The following UPF3B variants were observed in gnomAD, a reference collection of about 807,000 sequenced individuals.
UPF3B encodes UPF3B regulator of nonsense mediated mRNA decay, also known as regulator of nonsense transcripts 3B.
Under a neutral mutation model 40.3 loss-of-function variants are expected in UPF3B, and 7 were observed. That is an observed-to-expected ratio of 0.17 (90% CI 0.10 to 0.33). The LOEUF is 0.33. Ranked by LOEUF, UPF3B falls within the 10% of genes least tolerant of loss-of-function variation. The pLI is 1.00. For missense variants in UPF3B, 229 were observed against 358.9 expected, an observed-to-expected ratio of 0.64 and a Z score of 2.93; for synonymous variants, 117 against 117.3, an observed-to-expected ratio of 1.00 and a Z score of 0.01.
rs2056215366 is a variant in UPF3B at position 119,845,389 on chromosome X, T to C, written c.371-93A>G. The C allele has an allele frequency of 7.0e-6, 5 of 718,600 alleles. No individual in the cohort carries two copies. In the South Asian group the frequency reaches 1.1e-4, roughly 16 times the overall value. 59.2% of individuals were successfully genotyped at this position (718,600 alleles called of 1,213,427 possible). Reference sequence around the variant, plus strand: ...AACCCATTGCTTTCTATGACTCTTTTGATGGCAGTCATCTGAAGAGGGTCT... The same window carrying C: ...AACCCATTGCTTTCTATGACTCTTTCGATGGCAGTCATCTGAAGAGGGTCT... On this transcript the variant is annotated intron_variant, in intron 3 of 10. Coordinates refer to ENST00000276201, the MANE Select transcript of UPF3B (RefSeq NM_080632.3).
At chrX:119,823,000 C>T (rs1787061440) in exon 4 of UPF3B, 9 of 881,204 alleles carry the variant, frequency 1.0e-5, no homozygotes, top group Middle Eastern at 5.7e-4. Context: ...GAGTCGACCT[C>T]GGCCTCGAGC....
chrX:119,838,343 A>G, intron 9 of UPF3B, 24 bp downstream of exon 9: 2 of 1,208,993 alleles, frequency 1.7e-6, no homozygotes, highest in African/African-American at 1.7e-5. Context: ...AATCAAACAT[A>G]ACAAAGAGTC....
chrX:119,807,409 T>G lies in UPF3B; in HGVS notation c.*11+66A>C, dbSNP rs991632414. On this transcript the variant is annotated intron_variant, in intron 6 of 6. Transcript: ENST00000636792. ...GCTCTTTGGCTGCCTAGACAGTCAG[T>G]ACACCTAAGGCCATCTGGACTTAAC... 6.8e-6 allele frequency: 6 copies of G among 883,078 alleles called. No individual in the cohort carries two copies. In the African/African-American group the frequency reaches 1.2e-4, roughly 18 times the overall value. 72.8% of individuals were successfully genotyped at this position (883,078 alleles called of 1,213,427 possible).
At chrX:119,822,911 C>T in intron 4 of UPF3B, 1 of 883,875 alleles carries the variant, frequency 1.1e-6, no homozygotes, top group Non-Finnish European at 1.4e-6. Context: ...CCCGGCCTCT[C>T]CTCTTCTTTT....
In UPF3B at chrX:119,840,571, CA is replaced by C. The variant is rs1283674041; in HGVS notation, c.846+74del. On this transcript the variant is annotated intron_variant, in intron 8 of 10. Coordinates refer to ENST00000276201, the MANE Select transcript of UPF3B (RefSeq NM_080632.3). Reference sequence around the variant, plus strand: ...CAAGTAACACTACCACCACCACCACCAAAAGGACTTATTAGCTAAGACCTGT... The same window carrying C: ...CAAGTAACACTACCACCACCACCACCAAAGGACTTATTAGCTAAGACCTGT... The C allele has an allele frequency of 5.0e-6, 5 of 1,005,166 alleles. No homozygotes were observed. In the East Asian group the frequency reaches 1.6e-4, roughly 31 times the overall value. The allele number at this position is 1,005,166 out of a possible 1,213,427, so 82.8% of individuals were successfully genotyped here. A position where few individuals can be genotyped will look rare whatever the true frequency, so the allele number is the denominator to read the frequency against.
Position 119,851,764 on chromosome X carries a change from T to TTTTTTTTTTTTTTTAC in UPF3B, c.263+2_263+3insGTAAAAAAAAAAAAAA. Reference sequence around the variant, plus strand: ...ACCCCTTTCCTTTTTTTTTTTTTTTTACCTCGTATCATTAGAAAAAAACTC... The same window carrying TTTTTTTTTTTTTTTAC: ...ACCCCTTTCCTTTTTTTTTTTTTTTTTTTTTTTTTTTTTTACACCTCGTATCATTAGAAAAAAACTC... On this transcript the variant is annotated splice_region_variant and intron_variant, in intron 2 of 10. Coordinates refer to ENST00000276201, the MANE Select transcript of UPF3B (RefSeq NM_080632.3). The TTTTTTTTTTTTTTTAC allele has an allele frequency of 1.0e-6, 1 of 968,482 alleles. No individual in the cohort carries two copies. Among genetic ancestry groups the TTTTTTTTTTTTTTTAC allele is most frequent in the Non-Finnish European group, 1.4e-6 (1 of 710,201 alleles). 79.8% of individuals were successfully genotyped at this position (968,482 alleles called of 1,213,427 possible).
At chrX:119,843,437 C>T (rs917666029) in intron 4 of UPF3B, 136 bp from the exon 5 acceptor site, 7 of 458,337 alleles carry the variant, frequency 1.5e-5, no homozygotes, top group Middle Eastern at 6.2e-4. Context: ...ACCATACCCA[C>T]AAGGTAGACT....
intron 8 of UPF3B, 96 bp from the exon 9 acceptor site, chrX:119,838,623 A>C: frequency 1.1e-6 from 1 of 871,180 alleles, no homozygotes; most frequent in South Asian, 2.2e-5. Flanking sequence ...TAGACTAGAC[A>C]AAGCCCCCTA....
intron 8 of UPF3B, 117 bp downstream of exon 8, chrX:119,840,529 C>A: frequency 1.6e-6 from 1 of 610,424 alleles, no homozygotes; most frequent in Non-Finnish European, 2.6e-6. Flanking sequence ...CTCAAGTCAA[C>A]CTGAAGGGGT....
chrX:119,841,660 T>C, intron 6 of UPF3B, 75 bp downstream of exon 6: 1 of 986,782 alleles, frequency 1.0e-6, no homozygotes, highest in South Asian at 2.0e-5. Flanking sequence ...AGAAACCCAA[T>C]GCTCTTAAAA....
At position 119,839,530 on chromosome X, in the gene UPF3B, G is replaced by A. The variant is rs748411799; in HGVS notation, c.847-1003C>T. Among the ~76,000 whole-genome samples the A allele has an allele frequency of 5.6e-3, 628 of 112,085 alleles. 2 individuals carry two copies. The highest frequency in any genetic ancestry group is 8.1e-3 in the Non-Finnish European group (429 of 53,189). On this transcript the variant is annotated intron_variant, in intron 8 of 10. Coordinates refer to ENST00000276201, the MANE Select transcript of UPF3B (RefSeq NM_080632.3). ...TCTCTCGAGAATACCTCCAAGTGTC[G>A]GATAATCAGAGAGATTCTTAGGCAA... is the stretch of plus-strand genomic sequence containing the variant.
chrX:119,849,828 G>A (rs1239047174), intron 3 of UPF3B, among the ~76,000 whole-genome samples: 9 of 111,307 alleles, frequency 8.1e-5, no homozygotes, highest in African/African-American at 2.9e-4. Flanking sequence ...GGCATTAAGT[G>A]ATGAGGACAT....
chrX:119,845,352 T>C, intron 3 of UPF3B, 56 bp from the exon 4 acceptor site: 1 of 990,733 alleles, frequency 1.0e-6, no homozygotes, highest in African/African-American at 1.9e-5. Flanking sequence ...CAAAAGTGGA[T>C]ATAAGGGAAT....
downstream of UPF3B, among the ~76,000 whole-genome samples, chrX:119,832,062 C>T (rs1466120217): frequency 2.7e-5 from 3 of 111,785 alleles, no homozygotes; most frequent in Admixed American, 9.6e-5. Flanking sequence ...CAGATACAGG[C>T]GATCCTCCCA....
chrX:119,814,934 C>A (rs1393639019), intron 5 of UPF3B, among the ~76,000 whole-genome samples: 2 of 96,199 alleles, frequency 2.1e-5, no homozygotes, highest in African/African-American at 7.7e-5. Flanking sequence ...GGCAAGATCA[C>A]GGCTTACTGC....
Position 119,851,747 on chromosome X carries a change from C to CATTTTTTT in UPF3B, c.263+19_263+20insAAAAAAAT. The CATTTTTTT allele has an allele frequency of 2.4e-6, 1 of 415,632 alleles. No homozygotes were observed. The highest frequency in any genetic ancestry group is 1.6e-4 in the African/African-American group (1 of 6,239). 34.3% of individuals were successfully genotyped at this position (415,632 alleles called of 1,213,427 possible). ...AGAAACCTTTTTCATTTACCCCTTT[C>CATTTTTTT]CTTTTTTTTTTTTTTTTACCTCGTA... On this transcript the variant is annotated intron_variant, in intron 2 of 10. Coordinates refer to ENST00000276201, the MANE Select transcript of UPF3B (RefSeq NM_080632.3).
intron 9 of UPF3B, 125 bp from the exon 10 acceptor site, chrX:119,838,176 A>C: frequency 1.0e-6 from 1 of 974,869 alleles, no homozygotes; most frequent in Non-Finnish European, 1.4e-6. Flanking sequence ...GAAAAATACT[A>C]GTGTTTTAAG....
At position 119,838,543 on chromosome X, in the gene UPF3B, G is replaced by A; in HGVS notation, c.847-16C>T. ...TCTTGAGCAGCTTTAAAGATAAAAT[G>A]TTTATTTTTATTTTGAAGGCTGGGA... On this transcript the variant is annotated splice_polypyrimidine_tract_variant and intron_variant, in intron 8 of 10. Transcript: ENST00000276201. 2 of 1,203,256 alleles carry A rather than the reference G, an allele frequency of 1.7e-6. No individual in the cohort carries two copies. Among genetic ancestry groups the A allele is most frequent in the Non-Finnish European group, 2.2e-6 (2 of 889,685 alleles).
At chrX:119,818,371 C>T (rs906699876) in intron 4 of UPF3B, among the ~76,000 whole-genome samples, 2 of 111,464 alleles carry the variant, frequency 1.8e-5, no homozygotes, top group African/African-American at 3.3e-5. Flanking sequence ...CCAAGGCGGG[C>T]GGGTCATCTG....
Sources: allele counts gnomAD v4.1 joint callset (sites outside exome capture counted in the v4.1 genomes callset), GRCh38; gene constraint gnomAD v4.1.1; transcripts MANE v1.5; gene names NCBI Gene and HGNC (gene_info 2026-07-23, HGNC 2026-07-21).